The following BCKDHB variants were observed in gnomAD, a reference collection of about 807,000 sequenced individuals.
BCKDHB encodes the protein branched chain keto acid dehydrogenase E1 subunit beta, also known as 2-oxoisovalerate dehydrogenase subunit beta, mitochondrial.
BCKDHB carries 41 observed loss-of-function variants against 48.5 expected under a neutral mutation model. The ratio of observed to expected loss-of-function variants is 0.85; its 90% confidence interval spans 0.66 to 1.10. The LOEUF (loss-of-function observed/expected upper bound fraction) is 1.10. Ranked by LOEUF, BCKDHB falls within the 50% of genes least tolerant of loss-of-function variation. The pLI, the probability that BCKDHB is intolerant of heterozygous loss-of-function variation, is 0.00. For missense variants in BCKDHB, 496 were observed against 494.2 expected (o/e 1.00, Z -0.03); for synonymous variants, 201 against 174.8 (o/e 1.15, Z -1.18).
chr6:80,438,735 C>A, the BCKDHB span, among the ~76,000 whole-genome samples: 2 of 152,184 alleles, frequency 1.3e-5, no homozygotes, highest in Non-Finnish European at 2.9e-5. Flanking sequence ...CACACATGAA[C>A]TTTAGCATAA....
intron 8 of BCKDHB, among the ~76,000 whole-genome samples, chr6:80,222,970 T>C (rs913768329): frequency 2.6e-5 from 4 of 152,126 alleles, no homozygotes; most frequent in Non-Finnish European, 5.9e-5. Flanking sequence ...CATTAGAAGA[T>C]GGGGAAAAGT....
chr6:80,285,727 T>C (rs1393618550), intron 9 of BCKDHB, among the ~76,000 whole-genome samples: 1 of 152,166 alleles, frequency 6.6e-6, no homozygotes, highest in African/African-American at 2.4e-5. Context: ...TAGTTTGTGC[T>C]TATGAAGGCT....
the BCKDHB span, among the ~76,000 whole-genome samples, chr6:80,380,813 C>T: frequency 6.6e-6 from 1 of 151,860 alleles, no homozygotes; most frequent in Admixed American, 6.6e-5. Flanking sequence ...GTACAAACAG[C>T]CAAGAACTGT....
chr6:80,125,092 A>G (rs1019720165), intron 1 of BCKDHB, among the ~76,000 whole-genome samples: 7 of 152,220 alleles, frequency 4.6e-5, no homozygotes, highest in Non-Finnish European at 8.8e-5. Context: ...TAGTATAGCC[A>G]CCTTCATCAA....
At chr6:80,155,186 G>A (rs1320598098) in intron 3 of BCKDHB, among the ~76,000 whole-genome samples, 2 of 152,168 alleles carry the variant, frequency 1.3e-5, no homozygotes, top group African/African-American at 4.8e-5. Flanking sequence ...GCTAGGTCAT[G>A]CACTGTGACA....
chr6:80,287,864 C>T (rs1766705656), intron 9 of BCKDHB, among the ~76,000 whole-genome samples: 2 of 152,116 alleles, frequency 1.3e-5, no homozygotes, highest in African/African-American at 4.8e-5. Flanking sequence ...TGCCTGGGAC[C>T]CTTCCCTTAC....
intron 6 of BCKDHB, among the ~76,000 whole-genome samples, chr6:80,194,931 T>G (rs919439274): frequency 2.0e-5 from 3 of 152,186 alleles, no homozygotes; most frequent in Non-Finnish European, 4.4e-5. Flanking sequence ...TGAAAGTCTA[T>G]ATTGTGTTGT....
the BCKDHB span, among the ~76,000 whole-genome samples, chr6:80,360,951 G>T: frequency 7.0e-6 from 1 of 143,110 alleles, no homozygotes; most frequent in Non-Finnish European, 1.5e-5. Flanking sequence ...GTTGCAGTGA[G>T]CTGAGATCCA....
the BCKDHB span, among the ~76,000 whole-genome samples, chr6:80,372,631 C>T: frequency 5.9e-5 from 9 of 151,996 alleles, no homozygotes; most frequent in Admixed American, 2.0e-4. Flanking sequence ...CCTTCTATGC[C>T]GATTTTGCTG....
chr6:80,348,659 A>G (rs894439449), downstream of BCKDHB, among the ~76,000 whole-genome samples: 2 of 152,214 alleles, frequency 1.3e-5, no homozygotes, highest in Non-Finnish European at 1.5e-5. Context: ...TGCTCCAAGT[A>G]CACCTGAATC....
intron 3 of BCKDHB, among the ~76,000 whole-genome samples, chr6:80,138,022 C>T (rs1770980076): frequency 6.6e-6 from 1 of 152,108 alleles, no homozygotes; most frequent in African/African-American, 2.4e-5. Context: ...TTTGAGGCTG[C>T]AGTGAGCTGT....
chr6:80,202,528 C>T (rs940927946), intron 7 of BCKDHB, among the ~76,000 whole-genome samples: 3 of 152,054 alleles, frequency 2.0e-5, no homozygotes, highest in Admixed American at 2.0e-4. Flanking sequence ...TTTTTGTCAA[C>T]ATTACTGATC....
At chr6:80,346,986 C>T (rs1167082287), downstream of BCKDHB, among the ~76,000 whole-genome samples, 4 of 148,012 alleles carry the variant, frequency 2.7e-5, no homozygotes, top group African/African-American at 1.0e-4. Context: ...TCTAGAAACA[C>T]TGGAAAAAAG....
intron 3 of BCKDHB, among the ~76,000 whole-genome samples, chr6:80,146,791 A>G (rs1378069949): frequency 2.0e-5 from 3 of 152,168 alleles, no homozygotes; most frequent in African/African-American, 2.4e-5. Context: ...TCAGATCTCT[A>G]GCTTCCCTCT....
chr6:80,383,089 G>A, the BCKDHB span, among the ~76,000 whole-genome samples: 3 of 152,092 alleles, frequency 2.0e-5, no homozygotes, highest in African/African-American at 7.2e-5. Flanking sequence ...TGAAGGAAAA[G>A]CTCCTATTTT....
chr6:80,328,253 C>T (rs2128007019), intron 9 of BCKDHB, among the ~76,000 whole-genome samples: 1 of 152,230 alleles, frequency 6.6e-6, no homozygotes, highest in South Asian at 2.1e-4. Flanking sequence ...TAAAAGGATT[C>T]AGGAAGGGCA....
intron 6 of BCKDHB, among the ~76,000 whole-genome samples, chr6:80,197,932 GTTCATCCA>G (rs1774205514): frequency 7.7e-6 from 1 of 130,702 alleles, no homozygotes; most frequent in Non-Finnish European, 1.6e-5. Flanking sequence ...CTATCCATCT[GTTCATCCA>G]TCCATCCATC....
intron 3 of BCKDHB, chr6:80,135,855 G>A (rs1434255111): frequency 6.6e-6 from 1 of 152,070 alleles, no homozygotes; most frequent in African/African-American, 2.4e-5. Context: ...TCCCTGGCAA[G>A]AACCCATTCT....
At chr6:80,433,023 T>C in the BCKDHB span, among the ~76,000 whole-genome samples, 13 of 152,162 alleles carry the variant, frequency 8.5e-5, no homozygotes, top group Non-Finnish European at 1.5e-4. Context: ...TTCCTGTTCT[T>C]TCCTCTGGAA....
Sources: allele counts gnomAD v4.1 joint callset (sites outside exome capture counted in the v4.1 genomes callset), GRCh38; gene constraint gnomAD v4.1.1; transcripts MANE v1.5; gene names NCBI Gene and HGNC (gene_info 2026-07-23, HGNC 2026-07-21).